The following ZNF532 variants were observed in gnomAD, a reference collection of about 807,000 sequenced individuals.
ZNF532 encodes the protein zinc finger protein 532.
ZNF532 carries 22 observed loss-of-function variants against 89.3 expected under a neutral mutation model. That is an observed-to-expected ratio of 0.25 (90% confidence interval 0.18 to 0.35). The LOEUF (loss-of-function observed/expected upper bound fraction) is 0.35, where lower values mean the gene tolerates loss of function less well. Among genes scored for constraint, ZNF532 ranks in the 10% least tolerant of loss-of-function variants. The pLI, the probability that ZNF532 is intolerant of heterozygous loss-of-function variation, is 1.00. For synonymous variants in ZNF532, 606 were observed against 649.6 expected (o/e 0.93, Z 1.02); for missense variants, 1,132 against 1,643.4 (o/e 0.69, Z 5.38).
intron 2 of ZNF532, among the ~76,000 whole-genome samples, chr18:58,895,682 C>G (rs571466969): frequency 5.9e-5 from 9 of 152,116 alleles, no homozygotes; most frequent in Non-Finnish European, 1.2e-4. Flanking sequence ...GGATCTAAGT[C>G]ACAGAAATGG....
At chr18:58,863,668 G>T (rs2064695368), upstream of ZNF532, 1 of 153,298 alleles carries the variant, frequency 6.5e-6, no homozygotes, top group South Asian at 1.8e-4. Flanking sequence ...AGCCGCCGGC[G>T]GCGCCGCGCT....
intron 7 of ZNF532, among the ~76,000 whole-genome samples, chr18:58,961,087 C>T (rs899182285): frequency 2.0e-5 from 3 of 152,304 alleles, no homozygotes; most frequent in East Asian, 1.9e-4. Flanking sequence ...ATCTAGCTGG[C>T]GGTTCCCAAG....
At chr18:58,971,227 C>T (rs1347803142) in intron 7 of ZNF532, among the ~76,000 whole-genome samples, 4 of 152,108 alleles carry the variant, frequency 2.6e-5, no homozygotes, top group African/African-American at 9.7e-5. Context: ...GTAATCTAGG[C>T]ACGTGACAGT....
At chr18:58,872,640 A>G (rs886713441) in intron 2 of ZNF532, among the ~76,000 whole-genome samples, 2 of 151,876 alleles carry the variant, frequency 1.3e-5, no homozygotes, top group Middle Eastern at 3.4e-3. Context: ...ACCCAGCACT[A>G]TAGTCCTAGC....
intron 7 of ZNF532, among the ~76,000 whole-genome samples, chr18:58,962,278 G>A (rs2065432051): frequency 6.6e-6 from 1 of 152,056 alleles, no homozygotes; most frequent in Admixed American, 6.5e-5. Flanking sequence ...CTCGGACACT[G>A]GAATGAAAGG....
chr18:58,948,524 T>C (rs1473641330), intron 6 of ZNF532, among the ~76,000 whole-genome samples: 1 of 151,934 alleles, frequency 6.6e-6, no homozygotes, highest in Non-Finnish European at 1.5e-5. Context: ...TTTTTTTTAA[T>C]ATGTGAAAAT....
intron 3 of ZNF532, among the ~76,000 whole-genome samples, chr18:58,933,846 T>C (rs1393992506): frequency 6.6e-6 from 1 of 152,172 alleles, no homozygotes; most frequent in Non-Finnish European, 1.5e-5. Flanking sequence ...TACTTGAACT[T>C]GAGTTCCTTG....
intron 8 of ZNF532, chr18:58,981,032 T>C (rs2067706565): frequency 5.9e-6 from 1 of 168,122 alleles, no homozygotes; most frequent in Non-Finnish European, 1.3e-5. Context: ...GCTTATCATC[T>C]ACTGAGTGAC....
At chr18:58,957,523 T>A (rs752406262) in intron 7 of ZNF532, among the ~76,000 whole-genome samples, 5 of 151,564 alleles carry the variant, frequency 3.3e-5, no homozygotes, top group Non-Finnish European at 5.9e-5. Context: ...CTAGTATGAT[T>A]ATTATTTTGA....
chr18:58,885,457 A>G (rs1377743681), intron 2 of ZNF532, among the ~76,000 whole-genome samples: 1 of 152,198 alleles, frequency 6.6e-6, no homozygotes, highest in Non-Finnish European at 1.5e-5. Flanking sequence ...TTTGTAGGAA[A>G]TTTAAATTTC....
upstream of ZNF532, chr18:58,863,635 ACAG>A (rs1277072417): frequency 1.1e-4 from 9 of 83,320 alleles, no homozygotes; most frequent in South Asian, 9.5e-4. Context: ...CGCTCCGACG[ACAG>A]CAGCAGCAGC....
chr18:58,947,218 T>A (rs2063741708), intron 5 of ZNF532, among the ~76,000 whole-genome samples: 1 of 152,156 alleles, frequency 6.6e-6, no homozygotes, highest in Admixed American at 6.5e-5. Flanking sequence ...CCATCAGAGC[T>A]GTTCTCAAAT....
At chr18:58,877,967 C>T (rs1189558482) in intron 2 of ZNF532, among the ~76,000 whole-genome samples, 1 of 151,972 alleles carries the variant, frequency 6.6e-6, no homozygotes, top group Non-Finnish European at 1.5e-5. Flanking sequence ...AGAGACTGGG[C>T]AGGTTGGCTG....
At chr18:58,983,797 G>A (rs528523474) in intron 9 of ZNF532, among the ~76,000 whole-genome samples, 175 bp from the exon 10 acceptor site, 10 of 152,240 alleles carry the variant, frequency 6.6e-5, no homozygotes, top group African/African-American at 2.4e-4. Context: ...TCTCTGTGGA[G>A]TGGAAGAAAG....
intron 2 of ZNF532, among the ~76,000 whole-genome samples, chr18:58,909,296 T>C (rs1209191549): frequency 2.0e-5 from 3 of 152,128 alleles, no homozygotes; most frequent in African/African-American, 7.2e-5. Flanking sequence ...GTGAAGGTCA[T>C]TGACAAAACA....
At chr18:58,910,174 A>G (rs2060193111) in intron 2 of ZNF532, among the ~76,000 whole-genome samples, 1 of 152,194 alleles carries the variant, frequency 6.6e-6, no homozygotes, top group Non-Finnish European at 1.5e-5. Context: ...ATTCTAACAC[A>G]CTTGTGAAAA....
At chr18:58,888,811 A>ATTATATATATAATTTATATATAT (rs1420259459) in intron 2 of ZNF532, among the ~76,000 whole-genome samples, 8 of 42,736 alleles carry the variant, frequency 1.9e-4, no homozygotes, top group African/African-American at 8.2e-4. Flanking sequence ...ATATATATAA[A>ATTATATATATAATTTATATATAT]AAATTATATA....
intron 2 of ZNF532, among the ~76,000 whole-genome samples, chr18:58,906,344 CTACTT>C (rs1232875883): frequency 2.0e-5 from 3 of 152,156 alleles, no homozygotes; most frequent in Non-Finnish European, 2.9e-5. Context: ...TAACACAACA[CTACTT>C]TATTTTGTTG....
Position 58,888,696 on chromosome 18 carries a change from A to ATT in ZNF532, c.-18+23118_-18+23119dup, listed in dbSNP as rs1488516769. Among the ~76,000 whole-genome samples the ATT allele has an allele frequency of 3.0e-3, 170 of 57,536 alleles. 4 individuals are homozygous for ATT. Among genetic ancestry groups the ATT allele is most frequent in the African/African-American group, 0.018 (163 of 9,150 alleles). The allele number at this position is 57,536 out of a possible 152,430, so 37.7% of individuals were successfully genotyped here. On this transcript the variant is annotated intron_variant, in intron 2 of 9. Transcript: ENST00000591808. Reference sequence around the variant, plus strand: ...TGTCTCCAAGGAAGGCAAAAAAAAAATTATATATATATATATATATATATA... The same window carrying ATT: ...TGTCTCCAAGGAAGGCAAAAAAAAAATTTTATATATATATATATATATATATA...
Sources: allele counts gnomAD v4.1 joint callset (sites outside exome capture counted in the v4.1 genomes callset), GRCh38; gene constraint gnomAD v4.1.1; transcripts MANE v1.5; gene names NCBI Gene and HGNC (gene_info 2026-07-23, HGNC 2026-07-21).